Variants in FGF10 observed in about 807,000 individuals in gnomAD.
FGF10 encodes fibroblast growth factor 10.
In FGF10, 2 loss-of-function variants were observed where a neutral mutation model predicts 19.8. The ratio of observed to expected loss-of-function variants is 0.10; its 90% CI spans 0.04 to 0.32. The LOEUF (loss-of-function observed/expected upper bound fraction) is 0.32, where lower values mean the gene tolerates loss of function less well. Among genes scored for constraint, FGF10 ranks in the 10% least tolerant of loss-of-function variants. The pLI, the probability that FGF10 is intolerant of heterozygous loss-of-function variation, is 1.00. For missense variants in FGF10, 191 were observed against 246.3 expected (o/e 0.78, Z 1.50); for synonymous variants, 112 against 94.0 (o/e 1.19, Z -1.10).
chr5:44,330,275 C>T (rs1047266333), intron 1 of FGF10, among the ~76,000 whole-genome samples: 4 of 152,146 alleles, frequency 2.6e-5, no homozygotes, highest in Non-Finnish European at 5.9e-5. Flanking sequence ...CAGCTTTTAT[C>T]TCTGGGAGCT....
chr5:44,388,800 G>T lies in FGF10; in HGVS notation c.-118C>A, dbSNP rs201867473. The T allele has an allele frequency of 4.8e-6, 5 of 1,048,616 alleles. No individual in the cohort carries two copies. Among genetic ancestry groups the T allele is most frequent in the Non-Finnish European group, 7.3e-6 (5 of 687,014 alleles). The allele number at this position is 1,048,616 out of a possible 1,614,324, so 65.0% of individuals were successfully genotyped here. On this transcript the variant is annotated 5_prime_UTR_variant, in exon 1 of 3. Coordinates refer to ENST00000264664, the MANE Select transcript of FGF10 (RefSeq NM_004465.2). ...TGGTGGCTGCTGGTTAGCTCCCTCT[G>T]GGCGCGGATCTGGCCAGAAGTGAAT...
intron 1 of FGF10, among the ~76,000 whole-genome samples, chr5:44,356,147 T>C (rs932154317): frequency 1.3e-5 from 2 of 151,432 alleles, no homozygotes; most frequent in African/African-American, 4.8e-5. Context: ...TCAAAATCAA[T>C]TAAATAGATG....
intron 1 of FGF10, among the ~76,000 whole-genome samples, chr5:44,331,385 G>T (rs182041054): frequency 3.9e-5 from 6 of 152,160 alleles, no homozygotes; most frequent in Admixed American, 3.9e-4. Context: ...TAAACTTCAT[G>T]TGATTTTAGG....
At position 44,303,473 on chromosome 5, in the gene FGF10, A is replaced by G. The variant is rs1490026146; in HGVS notation, c.*1522T>C. 1.3e-5 allele frequency: 2 copies of G among 152,182 alleles called. No individual in the cohort carries two copies. The highest frequency in any genetic ancestry group is 4.8e-5 in the African/African-American group (2 of 41,448). The allele number at this position is 152,182 out of a possible 1,614,324, so 9.4% of individuals were successfully genotyped here. On this transcript the variant is annotated 3_prime_UTR_variant, in exon 3 of 3. Transcript: ENST00000264664. ...GCAGCATCAATATACTATTATAGTT[A>G]TTGCTTAAAAGTATTTAGAACAAAT...
In FGF10 at chr5:44,301,802, C is replaced by G. The variant is rs1017266894; in HGVS notation, c.*3193G>C. Among the ~76,000 whole-genome samples the G allele has an allele frequency of 3.3e-5, 5 of 152,134 alleles. No individual in the cohort carries two copies. Among genetic ancestry groups the G allele is most frequent in the Non-Finnish European group, 7.4e-5 (5 of 68,026 alleles). On this transcript the variant is annotated 3_prime_UTR_variant, in exon 3 of 3. Transcript: ENST00000264664. ...CTGCCATGCACACACTTGAGCTTCT[C>G]TCTTTATTACCAGGTAGAGTTTCTG...
intron 1 of FGF10, among the ~76,000 whole-genome samples, chr5:44,376,518 C>CAAAACAAAA (rs1741867113): frequency 1.4e-5 from 1 of 72,694 alleles, no homozygotes; most frequent in Non-Finnish European, 2.7e-5. Context: ...AAAAAAAAAA[C>CAAAACAAAA]AAAAAACCCA....
chr5:44,345,724 C>T (rs537783897), intron 1 of FGF10, among the ~76,000 whole-genome samples: 13 of 151,786 alleles, frequency 8.6e-5, no homozygotes, highest in East Asian at 5.9e-4. Flanking sequence ...TCATCTTACC[C>T]CTCCTTGCAT....
At chr5:44,322,023 A>C (rs1312588313) in intron 1 of FGF10, among the ~76,000 whole-genome samples, 1 of 152,118 alleles carries the variant, frequency 6.6e-6, no homozygotes, top group Non-Finnish European at 1.5e-5. Flanking sequence ...TTAGCCTCCC[A>C]AAGTGCTGGG....
rs764913349 is a variant in FGF10 at position 44,376,490 on chromosome 5, C to CAAAAAA, written c.325+11862_325+11867dup. 7.5e-3 allele frequency among the ~76,000 whole-genome samples: 258 copies of CAAAAAA among 34,466 alleles called. 24 individuals are homozygous for CAAAAAA. Among genetic ancestry groups the CAAAAAA allele is most frequent in the East Asian group, 0.017 (8 of 464 alleles). The allele number at this position is 34,466 out of a possible 152,430, so 22.6% of individuals were successfully genotyped here. A position where few individuals can be genotyped will look rare whatever the true frequency, so the allele number is the denominator to read the frequency against. ...CTAAGACAAGTTAGAATACAAATGC[C>CAAAAAA]AAAAAAAAAAAAAAAAAAAAAAAAA... On this transcript the variant is annotated intron_variant, in intron 1 of 2. Transcript: ENST00000264664.
chr5:44,376,713 C>T (rs1038777844), intron 1 of FGF10, among the ~76,000 whole-genome samples: 1 of 151,754 alleles, frequency 6.6e-6, no homozygotes, highest in Non-Finnish European at 1.5e-5. Flanking sequence ...TAGTGAAGAG[C>T]AGAAGAACTC....
intron 1 of FGF10, among the ~76,000 whole-genome samples, chr5:44,351,568 C>T (rs968573893): frequency 2.6e-5 from 4 of 151,574 alleles, no homozygotes; most frequent in South Asian, 2.1e-4. Context: ...AACAAAGAAA[C>T]ATGCTACTCT....
intron 1 of FGF10, among the ~76,000 whole-genome samples, chr5:44,381,174 G>T (rs1000235169): frequency 4.6e-5 from 7 of 152,086 alleles, no homozygotes; most frequent in African/African-American, 1.7e-4. Context: ...GCTTATCAGT[G>T]GTTTGTCCAC....
intron 1 of FGF10, among the ~76,000 whole-genome samples, chr5:44,331,493 C>T (rs148251865): frequency 6.6e-6 from 1 of 152,228 alleles, no homozygotes; most frequent in East Asian, 1.9e-4. Flanking sequence ...TTTTCTCAAG[C>T]AATTTTCATG....
At chr5:44,344,452 T>A (rs965509964) in intron 1 of FGF10, among the ~76,000 whole-genome samples, 1 of 151,852 alleles carries the variant, frequency 6.6e-6, no homozygotes, top group African/African-American at 2.4e-5. Flanking sequence ...ATTTTTTTAT[T>A]ACAAAATTTC....
chr5:44,337,300 A>G (rs1740875703), intron 1 of FGF10, among the ~76,000 whole-genome samples: 2 of 152,194 alleles, frequency 1.3e-5, no homozygotes, highest in Non-Finnish European at 2.9e-5. Flanking sequence ...TCTATTATAG[A>G]AGATCTCATT....
rs150167059 is a variant in FGF10 at position 44,377,800 on chromosome 5, C to T, written c.325+10558G>A. Reference sequence around the variant, plus strand: ...ATGGGACCCAAGTCTAAACACAAAACTAATTTGTGGTTTACATACACACAG... The same window carrying T: ...ATGGGACCCAAGTCTAAACACAAAATTAATTTGTGGTTTACATACACACAG... On this transcript the variant is annotated intron_variant, in intron 1 of 2. Transcript: ENST00000264664. 7.2e-5 allele frequency among the ~76,000 whole-genome samples: 11 copies of T among 152,250 alleles called. No individual in the cohort carries two copies. The East Asian group carries it at 2.1e-3, about 29-fold the overall frequency.
At chr5:44,371,942 T>G (rs1226100135) in intron 1 of FGF10, among the ~76,000 whole-genome samples, 1 of 152,130 alleles carries the variant, frequency 6.6e-6, no homozygotes, top group Admixed American at 6.5e-5. Context: ...CTTAGTACTA[T>G]CTACCACAAG....
chr5:44,384,454 T>C (rs542550940), intron 1 of FGF10, among the ~76,000 whole-genome samples: 1 of 152,264 alleles, frequency 6.6e-6, no homozygotes, highest in South Asian at 2.1e-4. Flanking sequence ...TCTGTTCCAA[T>C]TTAATTCTAA....
At chr5:44,339,299 T>G (rs891441039) in intron 1 of FGF10, among the ~76,000 whole-genome samples, 9 of 152,156 alleles carry the variant, frequency 5.9e-5, no homozygotes, top group Admixed American at 5.9e-4. Flanking sequence ...AAGTATAAAC[T>G]AACCCACTAC....
Sources: gnomAD v4.1 joint callset for allele counts (sites outside exome capture counted in the v4.1 genomes callset) on GRCh38, gnomAD v4.1.1 for gene constraint, MANE v1.5 for transcripts, NCBI Gene and HGNC (gene_info 2026-07-23, HGNC 2026-07-21) for gene names.